Variants in GDA observed in about 807,000 individuals in gnomAD.
GDA encodes guanine deaminase, also known as cytoplasmic PSD-95 interactor.
A neutral mutation model predicts 59.6 loss-of-function variants in GDA; 18 were observed. The observed-to-expected ratio is 0.30, with a 90% CI of 0.21 to 0.45. The LOEUF (loss-of-function observed/expected upper bound fraction) is 0.45, where lower values mean the gene tolerates loss of function less well. Among genes scored for constraint, GDA ranks in the 20% least tolerant of loss-of-function variants. GDA has a pLI of 1.00. For missense variants in GDA, 427 were observed against 552.3 expected (o/e 0.77, Z 2.27); for synonymous variants, 201 against 201.1 (o/e 1.00, Z 0.00).
At chr9:72,175,879 G>A (rs1394865936) in intron 1 of GDA, among the ~76,000 whole-genome samples, 3 of 152,230 alleles carry the variant, frequency 2.0e-5, no homozygotes, top group Non-Finnish European at 2.9e-5. Context: ...TAACCAAAAA[G>A]CTGTGTGAGA....
At chr9:72,168,867 G>A (rs1032875743) in intron 1 of GDA, among the ~76,000 whole-genome samples, 1 of 152,126 alleles carries the variant, frequency 6.6e-6, no homozygotes, top group African/African-American at 2.4e-5. Flanking sequence ...CTGGTTACTG[G>A]TAGAGTTATG....
At chr9:72,165,736 A>G (rs1427770359) in intron 1 of GDA, among the ~76,000 whole-genome samples, 2 of 151,962 alleles carry the variant, frequency 1.3e-5, no homozygotes, top group African/African-American at 2.4e-5. Context: ...CGTCTCTACT[A>G]AAAATACAAA....
intron 5 of GDA, among the ~76,000 whole-genome samples, chr9:72,215,865 C>T (rs754120453): frequency 3.4e-4 from 52 of 152,162 alleles, no homozygotes; most frequent in Non-Finnish European, 5.9e-4. Flanking sequence ...CATGTTTCCA[C>T]GTAAAGACTT....
At chr9:72,210,600 TA>T (rs1422091978) in intron 3 of GDA, 86 bp from the exon 4 acceptor site, 47 of 746,376 alleles carry the variant, frequency 6.3e-5, no homozygotes, top group Non-Finnish European at 1.2e-5. Flanking sequence ...ATTTTAAAAT[TA>T]AAAACTAAAA....
rs949434945 is a variant in GDA at position 72,117,485 on chromosome 9, T to C, written c.-100+2652T>C. Among the ~76,000 whole-genome samples the C allele has an allele frequency of 2.0e-5, 3 of 152,222 alleles. No individual in the cohort carries two copies. In the East Asian group the frequency reaches 5.8e-4, roughly 29 times the overall value. ...TGAAGTAATGTTGCCAAGGGTAAGC[T>C]CAAACTCAAGTGCATCAGTCAGCCA... On this transcript the variant is annotated intron_variant, in intron 1 of 13. Transcript: ENST00000545168.
At chr9:72,143,128 ATTT>A (rs534785979) in intron 1 of GDA, among the ~76,000 whole-genome samples, 7 of 125,254 alleles carry the variant, frequency 5.6e-5, no homozygotes, top group African/African-American at 6.0e-5. Flanking sequence ...CAGGTCAAGA[ATTT>A]TTTTTTTTTT....
intron 1 of GDA, among the ~76,000 whole-genome samples, chr9:72,193,462 T>C (rs949763094): frequency 6.6e-6 from 1 of 152,236 alleles, no homozygotes; most frequent in African/African-American, 2.4e-5. Context: ...TCTCTTCCCT[T>C]ACTATCTCCC....
chr9:72,182,441 T>C (rs1831364196), intron 1 of GDA, among the ~76,000 whole-genome samples: 1 of 152,206 alleles, frequency 6.6e-6, no homozygotes, highest in South Asian at 2.1e-4. Flanking sequence ...TGTTTCCTCA[T>C]GATTAGATTC....
chr9:72,131,868 T>C (rs1826038675), intron 1 of GDA, among the ~76,000 whole-genome samples: 1 of 152,140 alleles, frequency 6.6e-6, no homozygotes, highest in South Asian at 2.1e-4. Flanking sequence ...GATAAAGACA[T>C]ACCCAAGCCT....
At chr9:72,192,669 C>T (rs1218002160) in intron 1 of GDA, among the ~76,000 whole-genome samples, 1 of 151,296 alleles carries the variant, frequency 6.6e-6, no homozygotes, top group Admixed American at 6.6e-5. Context: ...ATCACTAGGT[C>T]AGGAGATCGA....
intron 1 of GDA, among the ~76,000 whole-genome samples, chr9:72,125,420 A>G (rs1051384358): frequency 1.4e-5 from 2 of 147,634 alleles, no homozygotes; most frequent in African/African-American, 5.0e-5. Context: ...CAGTGGCACG[A>G]TCACGACACA....
At chr9:72,146,651 T>G (rs1826648246), upstream of GDA, among the ~76,000 whole-genome samples, 1 of 152,030 alleles carries the variant, frequency 6.6e-6, no homozygotes, top group South Asian at 2.1e-4. Context: ...CCACCACACT[T>G]GGATAATTTT....
intron 10 of GDA, among the ~76,000 whole-genome samples, chr9:72,233,430 G>A (rs186993959): frequency 1.3e-5 from 2 of 152,170 alleles, no homozygotes; most frequent in African/African-American, 4.8e-5. Context: ...TGAAAAGATT[G>A]TGGTAGAAAT....
rs752353108 is a variant in GDA at position 72,250,784 on chromosome 9, C to T, written c.*2442C>T. 2.5e-6 allele frequency: 4 copies of T among 1,608,822 alleles called. No individual in the cohort carries two copies. Among genetic ancestry groups the T allele is most frequent in the Admixed American group, 1.7e-5 (1 of 60,000 alleles). Reference sequence around the variant, plus strand: ...AATTCACTTACCAGCCTCCTCACCCCATCCTCCACCATTTCCTTAATGTTC... The same window carrying T: ...AATTCACTTACCAGCCTCCTCACCCTATCCTCCACCATTTCCTTAATGTTC... On this transcript the variant is annotated 3_prime_UTR_variant, in exon 14 of 14. Coordinates refer to ENST00000358399, the MANE Select transcript of GDA (RefSeq NM_004293.5).
intron 1 of GDA, among the ~76,000 whole-genome samples, chr9:72,127,454 T>C (rs1269415421): frequency 6.6e-6 from 1 of 151,896 alleles, no homozygotes; most frequent in Non-Finnish European, 1.5e-5. Flanking sequence ...CTGGCCAACA[T>C]GGTGAAACCC....
At chr9:72,118,145 G>T (rs534221033) in intron 1 of GDA, among the ~76,000 whole-genome samples, 3 of 151,688 alleles carry the variant, frequency 2.0e-5, no homozygotes, top group Admixed American at 6.6e-5. Context: ...GGTGGCAGGC[G>T]CCTGTAGTCC....
chr9:72,127,492 T>C (rs1825887258), intron 1 of GDA, among the ~76,000 whole-genome samples: 2 of 151,358 alleles, frequency 1.3e-5, no homozygotes, highest in Admixed American at 1.3e-4. Flanking sequence ...CAAAAATTAG[T>C]TAGGTGTGGT....
At chr9:72,160,027 C>T (rs576967700) in intron 1 of GDA, among the ~76,000 whole-genome samples, 25 of 152,076 alleles carry the variant, frequency 1.6e-4, no homozygotes, top group Non-Finnish European at 3.7e-4. Context: ...CAGCCGGGCG[C>T]GGTGGCTCAT....
chr9:72,171,635 C>T (rs1238354826), intron 1 of GDA, among the ~76,000 whole-genome samples: 1 of 152,044 alleles, frequency 6.6e-6, no homozygotes, highest in South Asian at 2.1e-4. Context: ...TTATTGTTCA[C>T]GGCTCCCATT....
Sources: allele counts gnomAD v4.1 joint callset (sites outside exome capture counted in the v4.1 genomes callset), GRCh38; gene constraint gnomAD v4.1.1; transcripts MANE v1.5; gene names NCBI Gene and HGNC (gene_info 2026-07-23, HGNC 2026-07-21).